The following LCA5L variants were observed in gnomAD, a reference collection of about 807,000 sequenced individuals.
The protein encoded by LCA5L is lebercilin LCA5 like.
LCA5L carries 35 observed loss-of-function variants against 45.4 expected under a neutral mutation model. That is an observed-to-expected ratio of 0.77 (90% CI 0.59 to 1.02). The LOEUF is 1.02. LCA5L is among the 50% of genes least tolerant of loss of function. The pLI, the probability that LCA5L is intolerant of heterozygous loss-of-function variation, is 0.00. For missense variants in LCA5L, 668 were observed against 761.6 expected (o/e 0.88, Z 1.45); for synonymous variants, 233 against 264.7 (o/e 0.88, Z 1.16).
At chr21:39,408,096 C>T (rs1040019634) in intron 10 of LCA5L, among the ~76,000 whole-genome samples, 4 of 152,262 alleles carry the variant, frequency 2.6e-5, no homozygotes, top group African/African-American at 7.2e-5. Context: ...CATGCATGTA[C>T]TTTCCTCAGA....
chr21:39,443,376 AG>A (rs1485438338), intron 2 of LCA5L: 1 of 152,338 alleles, frequency 6.6e-6, no homozygotes, highest in African/African-American at 2.4e-5. Flanking sequence ...GTGATCATAC[AG>A]GAGAGGGAAT....
chr21:39,411,361 A>C (rs1229404685), intron 8 of LCA5L, among the ~76,000 whole-genome samples: 2 of 152,216 alleles, frequency 1.3e-5, no homozygotes, highest in Non-Finnish European at 2.9e-5. Flanking sequence ...GATGCATTTT[A>C]TTGAGGTCAA....
At chr21:39,413,720 G>A (rs1489549495) in intron 7 of LCA5L, 1 of 152,186 alleles carries the variant, frequency 6.6e-6, no homozygotes, top group Non-Finnish European at 1.5e-5. Context: ...GTGTATTCTG[G>A]ATAATAGCTT....
rs1187614316 is a variant in LCA5L, at chr21:39,412,459, TTACATG to T, written c.976-663_976-658del. Among the ~76,000 whole-genome samples the T allele has an allele frequency of 3.9e-5, 6 of 152,234 alleles. No individual in the cohort carries two copies. The East Asian group carries it at 9.6e-4, about 24-fold the overall frequency. On this transcript the variant is annotated intron_variant, in intron 7 of 10. Coordinates refer to ENST00000288350, the MANE Select transcript of LCA5L (RefSeq NM_152505.4). ...TTTATTAAATATCAAATGCTCCTTC[TTACATG>T]TACACCAGGAGGCAAGAAAGGCTTT...
In LCA5L at chr21:39,423,082, G is replaced by A. The variant is rs768851533; in HGVS notation, c.731C>T (p.Ala244Val). Residue 244 changes from alanine (A) to valine (V), a missense_variant, in exon 6 of 11, where the codon GCA (alanine) becomes GTA (valine). Transcript: ENST00000288350. ...TTTGTCTTCAGAAAGTTTCTGCAGT[G>A]CCTGCAAGATATCTTTAGTCTTCAG... is the stretch of plus-strand genomic sequence containing the variant. ...QLLKTKDILQ[A>V]LQKLSEDKNL... The A allele has an allele frequency of 2.5e-6, 4 of 1,613,998 alleles. No individual in the cohort carries two copies. The South Asian group carries it at 3.3e-5, about 13-fold the overall frequency.
At chr21:39,441,311 C>CA (rs201179102) in intron 2 of LCA5L, among the ~76,000 whole-genome samples, 4,127 of 151,326 alleles carry the variant, frequency 0.027, 178 homozygotes, top group African/African-American at 0.095. Flanking sequence ...GTTTCAAAAC[C>CA]AAAAAAAACC....
chr21:39,439,339 C>T (rs564953915), intron 2 of LCA5L, among the ~76,000 whole-genome samples: 1 of 152,324 alleles, frequency 6.6e-6, no homozygotes, highest in South Asian at 2.1e-4. Flanking sequence ...CCTTAAGACT[C>T]ATTTCAGACT....
intron 3 of LCA5L, among the ~76,000 whole-genome samples, chr21:39,431,691 T>C (rs1265340414): frequency 6.6e-6 from 1 of 152,014 alleles, no homozygotes; most frequent in African/African-American, 2.4e-5. Flanking sequence ...CTAATTTTTG[T>C]ATTTTTAGTA....
intron 7 of LCA5L, among the ~76,000 whole-genome samples, 165 bp downstream of exon 7, chr21:39,420,541 A>G (rs2042122358): frequency 6.6e-6 from 1 of 150,498 alleles, no homozygotes; most frequent in South Asian, 2.1e-4. Context: ...AAAAAAAAAA[A>G]GATAAACAGA....
intron 2 of LCA5L, 137 bp downstream of exon 2, chr21:39,443,998 C>G (rs1468565597): frequency 3.3e-5 from 5 of 151,678 alleles, no homozygotes; most frequent in Admixed American, 3.3e-4. Context: ...CCACTGCACT[C>G]CAGCCTGGCC....
chr21:39,441,017 C>T (rs552151577), intron 2 of LCA5L, among the ~76,000 whole-genome samples: 1 of 152,250 alleles, frequency 6.6e-6, no homozygotes, highest in South Asian at 2.1e-4. Context: ...TCACTCTAAA[C>T]ATTGACAAAG....
chr21:39,409,767 A>G lies in LCA5L; in HGVS notation c.1282+212T>C, dbSNP rs140310040. Among the ~76,000 whole-genome samples the G allele has an allele frequency of 7.0e-3, 1,069 of 152,008 alleles. 3 individuals carry two copies. The highest frequency in any genetic ancestry group is 0.011 in the Non-Finnish European group (766 of 67,950). On this transcript the variant is annotated intron_variant, in intron 10 of 10. Transcript: ENST00000288350. The surrounding 1 kb of genome is among the most constrained non-coding windows in gnomAD (Gnocchi z 4.2). ...ACCGCCATGTGCGGTTAAGTTTTGT[A>G]TTTTTTAGTAGAGATAGGGTTTCAC...
intron 8 of LCA5L, chr21:39,410,993 G>C (rs1232347570): frequency 2.1e-6 from 1 of 466,350 alleles, no homozygotes; most frequent in Non-Finnish European, 4.4e-6. Context: ...ATTTTGGGGG[G>C]AAAGCAGTGC....
intron 8 of LCA5L, chr21:39,410,853 C>G (rs1371731130): frequency 2.1e-6 from 1 of 470,966 alleles, no homozygotes; most frequent in East Asian, 6.9e-5. Flanking sequence ...GATTATAAGC[C>G]AGAAGCAAAC....
At chr21:39,426,293 TAC>T (rs982549601) in intron 5 of LCA5L, among the ~76,000 whole-genome samples, 1 of 152,192 alleles carries the variant, frequency 6.6e-6, no homozygotes, top group African/African-American at 2.4e-5. Flanking sequence ...GAGGAATATA[TAC>T]TCCAAGAGTA....
chr21:39,433,173 T>C (rs1207826486), intron 3 of LCA5L, among the ~76,000 whole-genome samples: 1 of 152,108 alleles, frequency 6.6e-6, no homozygotes, highest in African/African-American at 2.4e-5. Flanking sequence ...TCCCAGCACT[T>C]TGGGAGGCCA....
At chr21:39,441,885 A>G (rs989481862) in intron 2 of LCA5L, among the ~76,000 whole-genome samples, 10 of 152,354 alleles carry the variant, frequency 6.6e-5, no homozygotes, top group East Asian at 1.9e-4. Flanking sequence ...TATCTCTTAC[A>G]TATTAGAATG....
chr21:39,420,770 A>C lies in LCA5L; in HGVS notation c.911T>G (p.Leu304Ter). The stretch of plus-strand genomic sequence containing the variant: ...AGTCTTGGTAGCTGTCTGAGCTGCT[A>C]AAGTCTTCCGAGTCTCAATAGCCAG... ...RQLAIETRKT[L>*]AAQTATKTLQ... Residue 304 changes from leucine to a stop codon, truncating the protein, a stop_gained, in exon 7 of 11, where the codon TTA becomes TGA. Transcript: ENST00000288350. LOFTEE classifies it high-confidence loss of function. The C allele has an allele frequency of 2.5e-6, 4 of 1,613,718 alleles. No individual in the cohort carries two copies. Among genetic ancestry groups the C allele is most frequent in the Non-Finnish European group, 3.4e-6 (4 of 1,179,660 alleles).
At chr21:39,411,633 A>C in intron 8 of LCA5L, 85 bp downstream of exon 8, 1 of 641,424 alleles carries the variant, frequency 1.6e-6, no homozygotes, top group Non-Finnish European at 2.7e-6. Flanking sequence ...ATTTTTGAAA[A>C]TATCCATTAT....
Sources: allele counts gnomAD v4.1 joint callset (sites outside exome capture counted in the v4.1 genomes callset), GRCh38; gene constraint gnomAD v4.1.1; non-coding constraint Gnocchi (gnomAD v3.1); transcripts MANE v1.5; gene names NCBI Gene and HGNC (gene_info 2026-07-23, HGNC 2026-07-21).